Variants in DDAH1 observed in about 807,000 individuals in gnomAD.
DDAH1 encodes the protein dimethylarginine dimethylaminohydrolase 1.
A neutral mutation model predicts 28.8 loss-of-function variants in DDAH1; 19 were observed. That is an observed-to-expected ratio of 0.66 (90% confidence interval 0.46 to 0.97). The LOEUF is 0.97. Among genes scored for constraint, DDAH1 ranks in the 50% least tolerant of loss-of-function variants. The pLI is 0.00. For missense variants in DDAH1, 326 were observed against 375.9 expected, an observed-to-expected ratio of 0.87 and a Z score of 1.10; for synonymous variants, 153 against 154.4, an observed-to-expected ratio of 0.99 and a Z score of 0.07.
At chr1:85,353,211 A>G (rs1649316360) in intron 2 of DDAH1, among the ~76,000 whole-genome samples, 1 of 152,170 alleles carries the variant, frequency 6.6e-6, no homozygotes, top group East Asian at 1.9e-4. Context: ...ATAGGCAAAT[A>G]ATTATAGTAT....
At chr1:85,497,051 C>G (rs143497323) in intron 1 of DDAH1, among the ~76,000 whole-genome samples, 1 of 152,022 alleles carries the variant, frequency 6.6e-6, no homozygotes, top group Non-Finnish European at 1.5e-5. Context: ...ATTCTTATAC[C>G]AGAAATGTTT....
At chr1:85,334,496 G>A (rs72722677) in intron 4 of DDAH1, among the ~76,000 whole-genome samples, 18,322 of 152,174 alleles carry the variant, frequency 0.12, 1,224 homozygotes, top group East Asian at 0.28. Context: ...GGAGGGACCC[G>A]GAGGGAGATG....
At chr1:85,399,645 A>G (rs569699683) in intron 1 of DDAH1, 2 of 152,366 alleles carry the variant, frequency 1.3e-5, no homozygotes, top group South Asian at 4.1e-4. Flanking sequence ...AGAAAGCAGG[A>G]GAGAGAGATA....
chr1:85,403,072 G>C (rs1344073134), intron 1 of DDAH1, among the ~76,000 whole-genome samples: 1 of 151,974 alleles, frequency 6.6e-6, no homozygotes, highest in Admixed American at 6.6e-5. Context: ...GCTGTGGACT[G>C]GGACTGTCCC....
At chr1:85,373,852 C>T (rs1230815944) in intron 1 of DDAH1, among the ~76,000 whole-genome samples, 1 of 151,812 alleles carries the variant, frequency 6.6e-6, no homozygotes, top group Non-Finnish European at 1.5e-5. Flanking sequence ...TTTAAGTATG[C>T]CTGTTAAGTA....
At chr1:85,452,326 C>T (rs17127710) in intron 1 of DDAH1, among the ~76,000 whole-genome samples, 32,615 of 151,868 alleles carry the variant, frequency 0.21, 3,633 homozygotes, top group East Asian at 0.33. Flanking sequence ...ACAACAACAA[C>T]GACATAAATA....
At chr1:85,324,257 G>A (rs1488949529) in intron 5 of DDAH1, among the ~76,000 whole-genome samples, 2 of 109,518 alleles carry the variant, frequency 1.8e-5, no homozygotes. Context: ...GTAACAGAGT[G>A]AGACCCTGTC....
intron 2 of DDAH1, among the ~76,000 whole-genome samples, chr1:85,472,759 G>T (rs1393181067): frequency 2.6e-5 from 4 of 152,140 alleles, no homozygotes; most frequent in Non-Finnish European, 4.4e-5. Flanking sequence ...ACATGTGCGG[G>T]TTTGTGACAT....
At chr1:85,365,195 G>C (rs1650009704) in intron 1 of DDAH1, among the ~76,000 whole-genome samples, 1 of 152,160 alleles carries the variant, frequency 6.6e-6, no homozygotes, top group Non-Finnish European at 1.5e-5. Flanking sequence ...TAAGCAGAGA[G>C]CTGAGATTTC....
intron 1 of DDAH1, among the ~76,000 whole-genome samples, chr1:85,395,928 T>A (rs922096293): frequency 6.6e-6 from 1 of 152,176 alleles, no homozygotes; most frequent in African/African-American, 2.4e-5. Flanking sequence ...TTTTTAGGTA[T>A]GTGGCCTAGA....
At chr1:85,486,899 A>G (rs1478502096) in intron 2 of DDAH1, among the ~76,000 whole-genome samples, 1 of 152,176 alleles carries the variant, frequency 6.6e-6, no homozygotes, top group Non-Finnish European at 1.5e-5. Flanking sequence ...CCTGATGACC[A>G]GAGTCTTTGA....
intron 1 of DDAH1, among the ~76,000 whole-genome samples, chr1:85,509,037 G>A (rs550790339): frequency 2.0e-5 from 3 of 152,366 alleles, no homozygotes; most frequent in Non-Finnish European, 2.9e-5. Context: ...CCTGACCCCC[G>A]TGTAGCCTAA....
At chr1:85,498,463 CAG>C (rs1236496593) in intron 1 of DDAH1, among the ~76,000 whole-genome samples, 1 of 151,990 alleles carries the variant, frequency 6.6e-6, no homozygotes, top group African/African-American at 2.4e-5. Flanking sequence ...TATTGGAAAA[CAG>C]AAAATTTGCT....
Position 85,500,310 on chromosome 1 carries a change from AT to A in DDAH1, c.-122-4030del, listed in dbSNP as rs541897254. Among the ~76,000 whole-genome samples, 973 of 102,590 alleles carry A rather than the reference AT, an allele frequency of 9.5e-3. 8 individuals carry two copies. Among genetic ancestry groups the A allele is most frequent in the African/African-American group, 0.035 (931 of 26,706 alleles). The allele number at this position is 102,590 out of a possible 152,430, so 67.3% of individuals were successfully genotyped here. ...CATTTTCTCTTCTTTTCTTACTTTCATTTTTTTAAAGGATCTTTATCTTTCA... is the reference window on the plus strand; with the variant it reads ...CATTTTCTCTTCTTTTCTTACTTTCATTTTTTAAAGGATCTTTATCTTTCA... On this transcript the variant is annotated intron_variant, in intron 1 of 6. Transcript: ENST00000426972.
At chr1:85,424,340 T>C (rs1653293336) in intron 1 of DDAH1, among the ~76,000 whole-genome samples, 2 of 152,106 alleles carry the variant, frequency 1.3e-5, no homozygotes, top group Admixed American at 1.3e-4. Flanking sequence ...TTGAGCCTGG[T>C]ATTCTTCTCT....
chr1:85,512,785 A>G (rs533397577), intron 1 of DDAH1, among the ~76,000 whole-genome samples: 1 of 152,314 alleles, frequency 6.6e-6, no homozygotes, highest in Admixed American at 6.5e-5. Context: ...TAGGAATCCA[A>G]CTTACAAGGG....
At chr1:85,556,078 C>T (rs977247542) in intron 1 of DDAH1, among the ~76,000 whole-genome samples, 1 of 151,752 alleles carries the variant, frequency 6.6e-6, no homozygotes, top group African/African-American at 2.4e-5. Flanking sequence ...CCACCGCCGC[C>T]GCCTCCTCCT....
Position 85,350,429 on chromosome 1 carries a change from G to A in DDAH1, c.583C>T (p.Gln195Ter), listed in dbSNP as rs1046064164. The A allele has an allele frequency of 8.7e-6, 14 of 1,613,854 alleles. No homozygotes were observed. Among genetic ancestry groups the A allele is most frequent in the Non-Finnish European group, 1.2e-5 (14 of 1,179,922 alleles). Residue 195 changes from glutamine to a stop codon, truncating the protein, a stop_gained, in exon 4 of 6, where the codon CAG becomes TAG. Coordinates refer to ENST00000284031, the MANE Select transcript of DDAH1 (RefSeq NM_012137.4). LOFTEE classifies it high-confidence loss of function. ...LIAIGSSESA[Q>*]KALKIMQQMS... ...TTTGTATTTACCTTAAGGGCCTTCTGTGCAGATTCACTAGACCCAATTGCG... is the reference window on the plus strand; with the variant it reads ...TTTGTATTTACCTTAAGGGCCTTCTATGCAGATTCACTAGACCCAATTGCG...
At chr1:85,427,633 T>C (rs1653471528) in intron 1 of DDAH1, among the ~76,000 whole-genome samples, 1 of 152,228 alleles carries the variant, frequency 6.6e-6, no homozygotes, top group Non-Finnish European at 1.5e-5. Context: ...AAACTGGGTA[T>C]GTTTACATGA....
Sources: gnomAD v4.1 joint callset for allele counts (sites outside exome capture counted in the v4.1 genomes callset) on GRCh38, gnomAD v4.1.1 for gene constraint, MANE v1.5 for transcripts, NCBI Gene and HGNC (gene_info 2026-07-23, HGNC 2026-07-21) for gene names.